The following MNAT1 variants were observed in gnomAD, a reference collection of about 807,000 sequenced individuals.
MNAT1 encodes the protein MNAT1 component of CDK activating kinase.
Under a neutral mutation model 42.0 loss-of-function variants are expected in MNAT1, and 43 were observed. That is an observed-to-expected ratio of 1.02 (90% CI 0.80 to 1.32). MNAT1 has a LOEUF of 1.32. Ranked by LOEUF, MNAT1 falls within the 40% of genes most tolerant of loss-of-function variation. The pLI, the probability that MNAT1 is intolerant of heterozygous loss-of-function variation, is 0.00. For synonymous variants in MNAT1, 118 were observed against 120.0 expected, an observed-to-expected ratio of 0.98 and a Z score of 0.11; for missense variants, 306 against 350.4, an observed-to-expected ratio of 0.87 and a Z score of 1.01.
At chr14:60,813,996 G>A (rs1035130376) in intron 5 of MNAT1, among the ~76,000 whole-genome samples, 4 of 152,078 alleles carry the variant, frequency 2.6e-5, no homozygotes, top group Non-Finnish European at 4.4e-5. Flanking sequence ...ATGAGAGAGT[G>A]ACATTATAAC....
At chr14:60,889,294 T>C (rs1271359113) in intron 7 of MNAT1, among the ~76,000 whole-genome samples, 1 of 152,068 alleles carries the variant, frequency 6.6e-6, no homozygotes, top group Non-Finnish European at 1.5e-5. Context: ...GAAATAATGC[T>C]GCATTATCTA....
intron 6 of MNAT1, among the ~76,000 whole-genome samples, chr14:60,867,151 G>A (rs2034220540): frequency 6.6e-6 from 1 of 152,092 alleles, no homozygotes; most frequent in Non-Finnish European, 1.5e-5. Context: ...TGTTGAGCAA[G>A]AAACTTAAGC....
intron 1 of MNAT1, among the ~76,000 whole-genome samples, chr14:60,738,539 G>A (rs1237453715): frequency 2.6e-5 from 4 of 152,084 alleles, no homozygotes; most frequent in Non-Finnish European, 5.9e-5. Context: ...ACAGGTGTGA[G>A]CCACTGCGCC....
At chr14:60,957,469 C>A (rs955471230) in intron 7 of MNAT1, among the ~76,000 whole-genome samples, 1 of 152,122 alleles carries the variant, frequency 6.6e-6, no homozygotes, top group African/African-American at 2.4e-5. Context: ...ACCAACAGAT[C>A]TCATGAGACT....
intron 1 of MNAT1, among the ~76,000 whole-genome samples, chr14:60,746,595 T>C (rs2140288060): frequency 6.6e-6 from 1 of 151,606 alleles, no homozygotes. Context: ...CTATTCGTAT[T>C]AGCTGTAATT....
intron 6 of MNAT1, among the ~76,000 whole-genome samples, chr14:60,846,252 G>A (rs1175644568): frequency 6.6e-6 from 1 of 151,744 alleles, no homozygotes; most frequent in African/African-American, 2.4e-5. Flanking sequence ...ATTTCTGTAG[G>A]GTCAGGATCA....
intron 7 of MNAT1, among the ~76,000 whole-genome samples, chr14:60,940,209 A>T (rs2036112267): frequency 1.3e-5 from 2 of 152,102 alleles, no homozygotes; most frequent in Non-Finnish European, 2.9e-5. Context: ...GTGTCTTTTA[A>T]TTGGAGCATT....
In MNAT1 at chr14:60,780,073, A is replaced by G. The variant is rs561844201; in HGVS notation, c.90-16144A>G. 5.1e-5 allele frequency: 75 copies of G among 1,471,172 alleles called. No individual in the cohort carries two copies. In the East Asian group the frequency reaches 1.1e-3, roughly 22 times the overall value. 91.1% of individuals were successfully genotyped at this position (1,471,172 alleles called of 1,614,324 possible). On this transcript the variant is annotated intron_variant, in intron 1 of 7. Coordinates refer to ENST00000261245, the MANE Select transcript of MNAT1 (RefSeq NM_002431.4). ...TCTCATTCGGCATCAACAGCATTTT[A>G]TATCAGCGTGGCATTTATCCATCTG...
chr14:60,820,754 C>A (rs761738009), intron 6 of MNAT1, among the ~76,000 whole-genome samples: 4 of 151,998 alleles, frequency 2.6e-5, no homozygotes, highest in Non-Finnish European at 4.4e-5. Flanking sequence ...AGTCTATAAG[C>A]CTTTGGGTGG....
At chr14:60,810,699 G>A (rs2032514230) in intron 4 of MNAT1, among the ~76,000 whole-genome samples, 1 of 151,998 alleles carries the variant, frequency 6.6e-6, no homozygotes, top group South Asian at 2.1e-4. Context: ...TTCCATTGTG[G>A]TCAGGAAAGA....
chr14:60,795,932 A>T (rs1251369787), intron 1 of MNAT1, among the ~76,000 whole-genome samples: 3 of 152,078 alleles, frequency 2.0e-5, no homozygotes, highest in African/African-American at 7.2e-5. Context: ...ATGCTCTTTG[A>T]CTTCTCCCTA....
At chr14:60,925,252 ATAAAT>A (rs1435070397) in intron 7 of MNAT1, among the ~76,000 whole-genome samples, 2 of 152,202 alleles carry the variant, frequency 1.3e-5, no homozygotes, top group Non-Finnish European at 2.9e-5. Context: ...GGGGTGAAAA[ATAAAT>A]TAAATAAATA....
intron 4 of MNAT1, among the ~76,000 whole-genome samples, chr14:60,809,821 C>G (rs989703574): frequency 6.6e-6 from 1 of 151,870 alleles, no homozygotes; most frequent in African/African-American, 2.4e-5. Flanking sequence ...AGTTTTCTTT[C>G]CTTGTGGTAC....
In MNAT1 at chr14:60,829,313, A is replaced by G. The variant is rs952679126; in HGVS notation, c.687+10466A>G. On this transcript the variant is annotated intron_variant, in intron 6 of 7. Coordinates refer to ENST00000261245, the MANE Select transcript of MNAT1 (RefSeq NM_002431.4). The stretch of plus-strand genomic sequence containing the variant: ...TTTGTATTTCTTATCATAAATCACA[A>G]TATTACAAGCCCCAAATGCCTAGTA... 2.6e-5 allele frequency among the ~76,000 whole-genome samples: 4 copies of G among 152,192 alleles called. No individual in the cohort carries two copies. In the South Asian group the frequency reaches 6.2e-4, roughly 24 times the overall value.
intron 1 of MNAT1, among the ~76,000 whole-genome samples, chr14:60,788,881 A>G (rs1184644701): frequency 6.6e-6 from 1 of 152,204 alleles, no homozygotes; most frequent in Non-Finnish European, 1.5e-5. Context: ...AGACCACTGA[A>G]ACTTTCTCTG....
intron 7 of MNAT1, among the ~76,000 whole-genome samples, chr14:60,964,180 A>T (rs1435902270): frequency 6.6e-6 from 1 of 152,226 alleles, no homozygotes; most frequent in Non-Finnish European, 1.5e-5. Flanking sequence ...GCAAAATATA[A>T]CACAAGAAAA....
intron 7 of MNAT1, among the ~76,000 whole-genome samples, chr14:60,921,985 T>C (rs1216522668): frequency 6.6e-6 from 1 of 152,188 alleles, no homozygotes; most frequent in Non-Finnish European, 1.5e-5. Context: ...TAAATTTGTT[T>C]AATAACACTA....
In MNAT1 at chr14:60,818,858, T is replaced by G. The variant is rs2139364367; in HGVS notation, c.687+11T>G. 1 of 1,605,566 alleles carries G rather than the reference T, an allele frequency of 6.2e-7. No homozygotes were observed. Among genetic ancestry groups the G allele is most frequent in the Non-Finnish European group, 8.5e-7 (1 of 1,176,984 alleles). ...ACAGGCATCAAAATGGTAAGCCTTA[T>G]TTTAATTGCTTGTTTGAAAGATATT... On this transcript the variant is annotated intron_variant, in intron 6 of 7. Coordinates refer to ENST00000261245, the MANE Select transcript of MNAT1 (RefSeq NM_002431.4).
intron 7 of MNAT1, among the ~76,000 whole-genome samples, chr14:60,922,100 C>T (rs2139554416): frequency 6.6e-6 from 1 of 152,270 alleles, no homozygotes. Context: ...TTTGCTGCCA[C>T]TGCAAAATCA....
Sources: gnomAD v4.1 joint callset for allele counts (sites outside exome capture counted in the v4.1 genomes callset) on GRCh38, gnomAD v4.1.1 for gene constraint, MANE v1.5 for transcripts, NCBI Gene and HGNC (gene_info 2026-07-23, HGNC 2026-07-21) for gene names.